ZNF280C: variants seen among roughly 807,000 people sequenced by gnomAD.
The protein encoded by ZNF280C is suppressor of hairy wing homolog 3.
A neutral mutation model predicts 53.6 loss-of-function variants in ZNF280C; 14 were observed. That is an observed-to-expected ratio of 0.26 (90% CI 0.17 to 0.41). The LOEUF is 0.41. Ranked by LOEUF, ZNF280C falls within the 10% of genes least tolerant of loss-of-function variation. The pLI is 1.00. For missense variants in ZNF280C, 416 were observed against 547.1 expected (o/e 0.76, Z 2.39); for synonymous variants, 203 against 181.1 (o/e 1.12, Z -0.97).
intron 1 of ZNF280C, 61 bp from the exon 2 acceptor site, chrX:130,260,526 T>C: frequency 1.1e-6 from 1 of 898,840 alleles, no homozygotes; most frequent in African/African-American, 2.0e-5. Flanking sequence ...CACCAAGTAT[T>C]GAAACATGAA....
intron 12 of ZNF280C, among the ~76,000 whole-genome samples, chrX:130,221,325 T>C (rs915286083): frequency 8.9e-6 from 1 of 111,765 alleles, no homozygotes; most frequent in Non-Finnish European, 1.9e-5. Context: ...CAAATTAAGA[T>C]GATGGATAGA....
At chrX:130,217,760 G>T (rs1019515862) in intron 13 of ZNF280C, among the ~76,000 whole-genome samples, 1 of 112,517 alleles carries the variant, frequency 8.9e-6, no homozygotes, top group Non-Finnish European at 1.9e-5. Context: ...ACTTACTGTT[G>T]TAATATTAGT....
intron 2 of ZNF280C, among the ~76,000 whole-genome samples, chrX:130,249,287 G>A (rs758931567): frequency 8.9e-6 from 1 of 112,146 alleles, no homozygotes; most frequent in South Asian, 3.7e-4. Context: ...CCACGCAGAA[G>A]CCACTAGCAC....
At chrX:130,226,688 T>C (rs1412576919) in intron 12 of ZNF280C, 71 bp downstream of exon 12, 1 of 1,042,932 alleles carries the variant, frequency 9.6e-7, no homozygotes. Context: ...GATGTAGCTA[T>C]AGATCTATAC....
intron 1 of ZNF280C, among the ~76,000 whole-genome samples, chrX:130,264,042 G>A (rs202207770): frequency 2.7e-4 from 23 of 85,726 alleles, no homozygotes; most frequent in African/African-American, 4.2e-4. Context: ...AAAAAAAAAA[G>A]AAAAGAAAGA....
intron 13 of ZNF280C, among the ~76,000 whole-genome samples, chrX:130,219,504 A>G (rs1184354169): frequency 1.9e-5 from 2 of 107,060 alleles, no homozygotes. Flanking sequence ...AAAAAAAAAA[A>G]AAAAAAAAAG....
At position 130,216,001 on chromosome X, in the gene ZNF280C, G is replaced by C; in HGVS notation, c.1628C>G (p.Thr543Arg). The change falls in exon 14 of 19, where the codon ACA becomes AGA. Residue 543 changes from threonine to arginine, a missense_variant. Thr to Arg is a moderately conservative substitution (Grantham distance 71). Coordinates refer to ENST00000370978, the MANE Select transcript of ZNF280C (RefSeq NM_017666.5). ...ATTTCTAGCAGTTGTATTTTGAGATGTCGGAGGTGTGACCTGAAGAAAAGA... is the reference window on the plus strand; with the variant it reads ...ATTTCTAGCAGTTGTATTTTGAGATCTCGGAGGTGTGACCTGAAGAAAAGA... The part of the protein sequence containing the change: ...GTSFLQVTPP[T>R]SQNTTARNPR... The C allele has an allele frequency of 1.7e-6, 2 of 1,211,204 alleles. No homozygotes were observed. Among genetic ancestry groups the C allele is most frequent in the Non-Finnish European group, 2.2e-6 (2 of 895,027 alleles).
intron 1 of ZNF280C, among the ~76,000 whole-genome samples, chrX:130,264,553 A>G (rs209209): frequency 0.5 from 55,426 of 109,900 alleles, 10,916 homozygotes; most frequent in African/African-American, 0.73. Flanking sequence ...CCTTATATAC[A>G]TAAATGACGC....
intron 1 of ZNF280C, among the ~76,000 whole-genome samples, chrX:130,266,614 C>A (rs1309628926): frequency 3.7e-5 from 4 of 109,456 alleles, no homozygotes; most frequent in Non-Finnish European, 7.6e-5. Flanking sequence ...TTATCATTTG[C>A]CAATAAAAAG....
In ZNF280C at chrX:130,230,067, G is replaced by C. The variant is rs767495567; in HGVS notation, c.989+443C>G. Among the ~76,000 whole-genome samples the C allele has an allele frequency of 2.7e-5, 3 of 111,654 alleles. No individual in the cohort carries two copies. The East Asian group carries it at 8.4e-4, about 31-fold the overall frequency. On this transcript the variant is annotated intron_variant, in intron 9 of 18. Transcript: ENST00000370978. The stretch of plus-strand genomic sequence containing the variant: ...CACACCTCCAAAACACTTCTCTTTG[G>C]TTTTGGTAAACGCCTGCAATTTATT...
chrX:130,249,077 G>A (rs775301253), intron 2 of ZNF280C, among the ~76,000 whole-genome samples: 2 of 111,221 alleles, frequency 1.8e-5, no homozygotes, highest in South Asian at 3.8e-4. Context: ...ATGTAACTAC[G>A]CACAGAGAAC....
chrX:130,264,024 C>CA (rs538734296), intron 1 of ZNF280C, among the ~76,000 whole-genome samples: 1,360 of 23,773 alleles, frequency 0.057, 41 homozygotes, highest in Middle Eastern at 0.14. Context: ...GACACCATCT[C>CA]AAAAAAAAAA....
chrX:130,220,517 C>A, intron 12 of ZNF280C, 37 bp from the exon 13 acceptor site: 1 of 1,132,450 alleles, frequency 8.8e-7, no homozygotes, highest in South Asian at 2.3e-5. Context: ...TAACTTCCAC[C>A]ACCACAAATC....
chrX:130,210,133 G>A (rs1199216682), intron 15 of ZNF280C, among the ~76,000 whole-genome samples: 1 of 112,160 alleles, frequency 8.9e-6, no homozygotes, highest in Non-Finnish European at 1.9e-5. Context: ...CCAGCCTCCA[G>A]AACTGTGAGA....
Position 130,236,547 on chromosome X carries a change from G to A in ZNF280C, c.586C>T (p.Pro196Ser). The A allele has an allele frequency of 8.3e-7, 1 of 1,206,482 alleles. No homozygotes were observed. The highest frequency in any genetic ancestry group is 1.7e-5 in the African/African-American group (1 of 57,662). ...PKKPKTSEDV[P>S]QINPSTSLPL... ...AATGAAGTGGAGGGATTTATCTGAG[G>A]AACATCTTCACTGGTCTTTGGTTTT... The change falls in exon 7 of 19, where the codon CCT (proline) becomes TCT (serine). Residue 196 changes from proline (P) to serine (S), a missense_variant. Physicochemically the swap from Pro to Ser is moderately conservative, Grantham distance 74. This residue lies in a region of ZNF280C where 193 missense variants were observed against 201.4 expected (regional missense o/e 0.96). Coordinates refer to ENST00000370978, the MANE Select transcript of ZNF280C (RefSeq NM_017666.5).
Position 130,236,311 on chromosome X carries a change from G to A in ZNF280C, c.674C>T (p.Thr225Ile). 2 of 1,192,413 alleles carry A rather than the reference G, an allele frequency of 1.7e-6. 1 individual carries two copies. Among genetic ancestry groups the A allele is most frequent in the Non-Finnish European group, 2.3e-6 (2 of 884,685 alleles). ...TGCTCCAGCATCATATGGAGATGAG[G>A]TATTTGTACCTACAATAAATTAAGA... is the stretch of plus-strand genomic sequence containing the variant. Reference protein sequence around the residue: ...SQVMLSKGTNTSSPYDAGADY... With the variant: ...SQVMLSKGTNISSPYDAGADY... The change falls in exon 8 of 19, where the codon ACC becomes ATC. Residue 225 changes from threonine to isoleucine, a missense_variant. By Grantham distance (89) the Thr-to-Ile change is moderately conservative. Transcript: ENST00000370978.
Position 130,215,962 on chromosome X carries a change from T to C in ZNF280C, c.1667A>G (p.Asn556Ser). Residue 556 changes from asparagine to serine, a missense_variant, in exon 14 of 19, where the codon AAT becomes AGT. Asn to Ser is a conservative substitution (Grantham distance 46). Around this residue, in one of 3 missense-constraint regions of ZNF280C, gnomAD observed 151 missense variants for 176.9 expected, o/e 0.85. Coordinates refer to ENST00000370978, the MANE Select transcript of ZNF280C (RefSeq NM_017666.5). ...CTTACTTGTCTTAGATCTACTGGCA[T>C]TAGATTTTCTAGGATTTCTAGCAGT... ...NTTARNPRKS[N>S]ASRSKTSKLH... is the part of the protein sequence containing the mutation. 1 of 1,211,188 alleles carries C rather than the reference T, an allele frequency of 8.3e-7. No homozygotes were observed. Among genetic ancestry groups the C allele is most frequent in the Non-Finnish European group, 1.1e-6 (1 of 895,106 alleles).
chrX:130,228,809 G>C (rs187288080), intron 10 of ZNF280C, among the ~76,000 whole-genome samples, 168 bp downstream of exon 10: 306 of 108,014 alleles, frequency 2.8e-3, no homozygotes, highest in African/African-American at 9.4e-3. Flanking sequence ...CCTGGCTTTA[G>C]AACACATTTC....
chrX:130,261,996 T>C (rs2032635064), intron 1 of ZNF280C, among the ~76,000 whole-genome samples: 1 of 111,485 alleles, frequency 9.0e-6, no homozygotes, highest in Non-Finnish European at 1.9e-5. Context: ...TTTAATTAAA[T>C]GATCATATAA....
Sources: gnomAD v4.1 joint callset for allele counts (sites outside exome capture counted in the v4.1 genomes callset) on GRCh38, gnomAD v4.1.1 for gene constraint, gnomAD v4.1.1 regional missense constraint, MANE v1.5 for transcripts, NCBI Gene and HGNC (gene_info 2026-07-23, HGNC 2026-07-21) for gene names.